The following NLK variants were observed in gnomAD, a reference collection of about 807,000 sequenced individuals.
NLK encodes serine/threonine-protein kinase NLK.
In NLK, 11 loss-of-function variants were observed where a neutral mutation model predicts 59.0. That is an observed-to-expected ratio of 0.19 (90% CI 0.12 to 0.31). The LOEUF is 0.31. Ranked by LOEUF, NLK falls within the 10% of genes least tolerant of loss-of-function variation. The pLI is 1.00. For synonymous variants in NLK, 235 were observed against 235.9 expected, an observed-to-expected ratio of 1.00 and a Z score of 0.03; for missense variants, 410 against 661.1, an observed-to-expected ratio of 0.62 and a Z score of 4.16.
intron 3 of NLK, among the ~76,000 whole-genome samples, chr17:28,157,217 A>T (rs1907792614): frequency 6.7e-6 from 1 of 149,426 alleles, no homozygotes; most frequent in Non-Finnish European, 1.5e-5. Context: ...TTTAAGACAA[A>T]GTCTTGCTCT....
intron 1 of NLK, among the ~76,000 whole-genome samples, chr17:28,091,542 T>C (rs1218839553): frequency 2.0e-5 from 3 of 151,792 alleles, no homozygotes; most frequent in Non-Finnish European, 4.4e-5. Flanking sequence ...ATACAGTTCT[T>C]ATAGCTTCTG....
chr17:28,062,768 A>ATGGG (rs1043136968), intron 1 of NLK, among the ~76,000 whole-genome samples: 3 of 152,060 alleles, frequency 2.0e-5, no homozygotes, highest in African/African-American at 7.2e-5. Context: ...TTTAGTAGAG[A>ATGGG]TGGGGTTTCA....
intron 1 of NLK, among the ~76,000 whole-genome samples, chr17:28,053,407 A>T (rs1254655883): frequency 1.3e-5 from 2 of 152,226 alleles, no homozygotes; most frequent in South Asian, 2.1e-4. Flanking sequence ...GTTTGCCTAA[A>T]GTAGCAGAAG....
intron 1 of NLK, among the ~76,000 whole-genome samples, chr17:28,057,654 A>G (rs964428308): frequency 5.3e-5 from 8 of 152,310 alleles, no homozygotes; most frequent in Admixed American, 1.3e-4. Context: ...GACAGAGGAC[A>G]TGATTTTATT....
At chr17:28,194,296 T>A (rs1909408947) in intron 10 of NLK, among the ~76,000 whole-genome samples, 1 of 152,244 alleles carries the variant, frequency 6.6e-6, no homozygotes, top group African/African-American at 2.4e-5. Flanking sequence ...ACAGCATTAT[T>A]TCTTTCCAAA....
intron 2 of NLK, among the ~76,000 whole-genome samples, chr17:28,131,491 T>G (rs2142021096): frequency 6.7e-6 from 1 of 149,562 alleles, no homozygotes; most frequent in South Asian, 2.1e-4. Flanking sequence ...GAAATAAGAA[T>G]GTTCATGTGT....
intron 3 of NLK, among the ~76,000 whole-genome samples, chr17:28,140,750 A>AT (rs1439358044): frequency 6.6e-6 from 1 of 151,404 alleles, no homozygotes; most frequent in East Asian, 1.9e-4. Flanking sequence ...TGTCTTATGG[A>AT]TAAAAAAAAA....
At chr17:28,158,566 A>G (rs1907877333) in intron 3 of NLK, among the ~76,000 whole-genome samples, 1 of 152,190 alleles carries the variant, frequency 6.6e-6, no homozygotes, top group Non-Finnish European at 1.5e-5. Context: ...ATTTTGTTAA[A>G]TATTTTACTC....
chr17:28,057,976 C>G (rs1909498797), intron 1 of NLK, among the ~76,000 whole-genome samples: 1 of 152,126 alleles, frequency 6.6e-6, no homozygotes, highest in Non-Finnish European at 1.5e-5. Flanking sequence ...TGTTTGCTGC[C>G]TAGGCTACAA....
chr17:28,146,031 C>T (rs1239067356), intron 3 of NLK, among the ~76,000 whole-genome samples: 3 of 152,122 alleles, frequency 2.0e-5, no homozygotes, highest in Non-Finnish European at 1.5e-5. Context: ...GAGTGGTTGC[C>T]AGTTTCTTTG....
chr17:28,166,357 C>T (rs540814546), intron 5 of NLK, among the ~76,000 whole-genome samples: 1 of 152,216 alleles, frequency 6.6e-6, no homozygotes, highest in African/African-American at 2.4e-5. Context: ...CTGATTCATT[C>T]CCACATACAC....
In NLK at chr17:28,070,721, C is replaced by CTAATTTTAAAGTAAAATAT. The variant is rs879601410; in HGVS notation, c.458+27409_458+27427dup. Among the ~76,000 whole-genome samples, 5 of 151,932 alleles carry CTAATTTTAAAGTAAAATAT rather than the reference C, an allele frequency of 3.3e-5. No individual in the cohort carries two copies. In the East Asian group the frequency reaches 7.7e-4, roughly 23 times the overall value. ...TTTTGTTGTTTTGTTTTTTAAAATA[C>CTAATTTTAAAGTAAAATAT]TAATTTTAAAGTAAAATATTAATTT... On this transcript the variant is annotated intron_variant, in intron 1 of 10. Transcript: ENST00000407008.
chr17:28,130,217 G>A (rs1462320184), intron 2 of NLK, among the ~76,000 whole-genome samples: 1 of 152,070 alleles, frequency 6.6e-6, no homozygotes, highest in African/African-American at 2.4e-5. Context: ...AGAATCTCTA[G>A]CTATTTAAAT....
intron 7 of NLK, among the ~76,000 whole-genome samples, chr17:28,179,872 G>GTTTTTTTT (rs34411493): frequency 2.0e-3 from 160 of 79,404 alleles, no homozygotes; most frequent in African/African-American, 2.8e-3. Context: ...AGCATTCTTG[G>GTTTTTTTT]TTTTTTTTTT....
chr17:28,146,162 A>G (rs757660513), intron 3 of NLK, among the ~76,000 whole-genome samples: 3 of 151,922 alleles, frequency 2.0e-5, no homozygotes, highest in Non-Finnish European at 4.4e-5. Flanking sequence ...TCAAATCCTG[A>G]TTTTTTTTCC....
chr17:28,202,839 C>G, the NLK span, among the ~76,000 whole-genome samples: 1 of 151,820 alleles, frequency 6.6e-6, no homozygotes, highest in African/African-American at 2.4e-5. Flanking sequence ...CTCACCACCA[C>G]GCCCAGCTAA....
At chr17:28,147,835 A>T (rs1240443852) in intron 3 of NLK, among the ~76,000 whole-genome samples, 1 of 152,152 alleles carries the variant, frequency 6.6e-6, no homozygotes, top group Non-Finnish European at 1.5e-5. Context: ...ATATTTGGGC[A>T]CTGTCCACTA....
chr17:28,183,958 CT>C (rs940191370), intron 7 of NLK, among the ~76,000 whole-genome samples: 3 of 152,172 alleles, frequency 2.0e-5, no homozygotes, highest in African/African-American at 7.2e-5. Context: ...AAATAATTTA[CT>C]TGTGTGAGAG....
At chr17:28,181,149 A>AAGTGCGGTG (rs1908887978) in intron 7 of NLK, among the ~76,000 whole-genome samples, 1 of 152,134 alleles carries the variant, frequency 6.6e-6, no homozygotes, top group Non-Finnish European at 1.5e-5. Context: ...CTGTAATCCC[A>AAGTGCGGTG]GCACTTGGGG....
Sources: allele counts gnomAD v4.1 joint callset (sites outside exome capture counted in the v4.1 genomes callset), GRCh38; gene constraint gnomAD v4.1.1; transcripts MANE v1.5; gene names NCBI Gene and HGNC (gene_info 2026-07-23, HGNC 2026-07-21).